MZT2A: variants seen among roughly 807,000 people sequenced by gnomAD.
MZT2A encodes the protein mitotic spindle organizing protein 2A, also known as mitotic-spindle organizing protein 2A.
MZT2A carries 8 observed loss-of-function variants against 12.4 expected under a neutral mutation model. The ratio of observed to expected loss-of-function variants is 0.64; its 90% CI spans 0.38 to 1.16. The LOEUF is 1.16. MZT2A is among the 50% of genes most tolerant of loss of function. The pLI is 0.01. For missense variants in MZT2A, 181 were observed against 223.6 expected, an observed-to-expected ratio of 0.81 and a Z score of 1.22; for synonymous variants, 88 against 107.5, an observed-to-expected ratio of 0.82 and a Z score of 1.12.
At chr2:131,490,449 C>T (rs1266476051) in intron 2 of MZT2A, 1 of 1,340,348 alleles carries the variant, frequency 7.5e-7, no homozygotes, top group Non-Finnish European at 9.6e-7. Context: ...GGGCTCTTTA[C>T]ACTCACCACT....
chr2:131,472,050 C>T, intron 3 of MZT2A: 4 of 1,288,434 alleles, frequency 3.1e-6, no homozygotes, highest in Non-Finnish European at 4.0e-6. Flanking sequence ...CTTTCTCACC[C>T]AGAACCGAAC....
Position 131,472,293 on chromosome 2 carries a change from CTT to C in MZT2A, c.279-113_279-112del, listed in dbSNP as rs1026795798. ...AAATGATTTAATAATTCACAGGACT[CTT>C]TTTATTGCTGTATACTAAATAAAAT... On this transcript the variant is annotated intron_variant and NMD_transcript_variant, in intron 2 of 4. Coordinates refer to the MZT2A transcript ENST00000427024. 1.1e-5 allele frequency: 10 copies of C among 913,090 alleles called. No homozygotes were observed. In the African/African-American group the frequency reaches 1.6e-4, roughly 14 times the overall value. 56.6% of individuals were successfully genotyped at this position (913,090 alleles called of 1,614,324 possible). A position where few individuals can be genotyped will look rare whatever the true frequency, so the allele number is the denominator to read the frequency against.
intron 2 of MZT2A, among the ~76,000 whole-genome samples, chr2:131,485,601 C>A (rs930455380): frequency 6.6e-6 from 1 of 152,184 alleles, no homozygotes; most frequent in South Asian, 2.1e-4. Context: ...GGAATCCCAA[C>A]TGGCTCTCAT....
chr2:131,493,421 G>A (rs1019688162), upstream of MZT2A, among the ~76,000 whole-genome samples: 8 of 152,210 alleles, frequency 5.3e-5, no homozygotes, highest in Non-Finnish European at 1.0e-4. Context: ...ATTGAGGGAA[G>A]GAGAGCTTTG....
At chr2:131,480,674 C>T (rs778776424), downstream of MZT2A, 23 of 1,613,758 alleles carry the variant, frequency 1.4e-5, no homozygotes, top group East Asian at 8.9e-5. Flanking sequence ...TCCCCAAAGA[C>T]GTCAACGCGG....
upstream of MZT2A, chr2:131,492,866 T>G (rs1679405095): frequency 5.4e-6 from 8 of 1,492,694 alleles, no homozygotes; most frequent in South Asian, 3.6e-5. Context: ...AGCCCTACCT[T>G]GGGGCGCCAG....
upstream of MZT2A, chr2:131,492,400 G>C (rs1679370023): frequency 1.1e-5 from 14 of 1,234,900 alleles, no homozygotes; most frequent in Non-Finnish European, 1.4e-5. Flanking sequence ...CGAAAGGTGC[G>C]CCCCGCCCCG....
At chr2:131,470,243 T>C (rs1373183499) in exon 4 of MZT2A, 6 of 592,086 alleles carry the variant, frequency 1.0e-5, no homozygotes, top group Admixed American at 5.2e-5. Context: ...CATGAGCTCA[T>C]TGAGCTCCAA....
chr2:131,493,184 G>A (rs2104746820), upstream of MZT2A: 1 of 1,410,758 alleles, frequency 7.1e-7, no homozygotes, highest in Non-Finnish European at 9.2e-7. Flanking sequence ...CGACGCCCTG[G>A]GGGCTTCCGC....
upstream of MZT2A, chr2:131,493,034 C>G: frequency 6.7e-7 from 1 of 1,485,744 alleles, no homozygotes; most frequent in South Asian, 1.3e-5. Context: ...GCTTTTCCCG[C>G]CCGGCCGCGG....
intron 2 of MZT2A, among the ~76,000 whole-genome samples, chr2:131,487,354 A>C (rs1369633339): frequency 6.6e-6 from 1 of 151,978 alleles, no homozygotes; most frequent in Non-Finnish European, 1.5e-5. Context: ...GGTAGTGTGC[A>C]CCTGTAGTCC....
At chr2:131,488,165 TCAC>T (rs1443478192) in intron 2 of MZT2A, among the ~76,000 whole-genome samples, 2 of 152,314 alleles carry the variant, frequency 1.3e-5, no homozygotes, top group South Asian at 4.1e-4. Context: ...CAGGTGAGAC[TCAC>T]GGCTTCCACA....
At chr2:131,482,046 C>T (rs1573863467), downstream of MZT2A, among the ~76,000 whole-genome samples, 1 of 152,330 alleles carries the variant, frequency 6.6e-6, no homozygotes, top group Non-Finnish European at 1.5e-5. Context: ...TCGACCACTT[C>T]CTGCTGCTGT....
At chr2:131,476,542 C>T (rs1678678033) in intron 2 of MZT2A, among the ~76,000 whole-genome samples, 1 of 152,210 alleles carries the variant, frequency 6.6e-6, no homozygotes. Context: ...AACTGAGGAG[C>T]CCCAGGAGCC....
rs750536993 is a variant in MZT2A, at chr2:131,484,070, G to A, written c.468C>T (p.Gly156=). 1.4e-5 allele frequency: 22 copies of A among 1,610,304 alleles called. No individual in the cohort carries two copies. In the Admixed American group the frequency reaches 3.7e-4, roughly 27 times the overall value. ...GGGPGKSPTQ[G]ST ...AAGTCTCTGCCCCATCCTAGGTGCT[G>A]CCCTGCGTAGGGCTCTTCCCAGGCC... Residue 156 remains glycine, a synonymous_variant, in exon 3 of 3, where the codon GGC becomes GGT. Transcript: ENST00000309451.
Position 131,473,650 on chromosome 2 carries a change from C to G in MZT2A, c.279-1468G>C, listed in dbSNP as rs562105039. On this transcript the variant is annotated intron_variant and NMD_transcript_variant, in intron 2 of 4. Transcript: ENST00000427024. ...GAAGAATCACACACCTGTAGTCCCACCCTACAAGGAAGGCTGAGGCTGGGG... is the reference window on the plus strand; with the variant it reads ...GAAGAATCACACACCTGTAGTCCCAGCCTACAAGGAAGGCTGAGGCTGGGG... Among the ~76,000 whole-genome samples the G allele has an allele frequency of 2.7e-3, 348 of 127,064 alleles. 1 individual carries two copies. Among genetic ancestry groups the G allele is most frequent in the African/African-American group, 7.5e-3 (185 of 24,674 alleles). 83.4% of individuals were successfully genotyped at this position (127,064 alleles called of 152,430 possible).
chr2:131,479,318 C>G, downstream of MZT2A: 5 of 1,613,960 alleles, frequency 3.1e-6, no homozygotes, highest in Non-Finnish European at 4.2e-6. Context: ...ATGAAGTGCG[C>G]ACAGGGACCT....
intron 2 of MZT2A, among the ~76,000 whole-genome samples, chr2:131,476,555 C>T (rs1038216190): frequency 1.3e-5 from 2 of 152,182 alleles, no homozygotes; most frequent in African/African-American, 4.8e-5. Flanking sequence ...CAGGAGCCTT[C>T]GGTGACGGGG....
At chr2:131,476,200 A>G (rs1370884643) in intron 2 of MZT2A, 1 of 1,613,836 alleles carries the variant, frequency 6.2e-7, no homozygotes, top group Non-Finnish European at 8.5e-7. Flanking sequence ...GGAGTTCGCC[A>G]TGGTAAGGCC....
Sources: gnomAD v4.1 joint callset for allele counts (sites outside exome capture counted in the v4.1 genomes callset) on GRCh38, gnomAD v4.1.1 for gene constraint, MANE v1.5 for transcripts, NCBI Gene and HGNC (gene_info 2026-07-23, HGNC 2026-07-21) for gene names.